The following PTPN20 variants were observed in gnomAD, a reference collection of about 807,000 sequenced individuals.
PTPN20 encodes tyrosine-protein phosphatase non-receptor type 20.
A neutral mutation model predicts 35.0 loss-of-function variants in PTPN20; 9 were observed. The observed-to-expected ratio is 0.26, with a 90% confidence interval of 0.15 to 0.45. The LOEUF is 0.45. PTPN20 is among the 20% of genes least tolerant of loss of function. The pLI, the probability that PTPN20 is intolerant of heterozygous loss-of-function variation, is 1.00. For missense variants in PTPN20, 111 were observed against 312.5 expected, an observed-to-expected ratio of 0.36 and a Z score of 4.86; for synonymous variants, 32 against 100.2, an observed-to-expected ratio of 0.32 and a Z score of 4.06.
In PTPN20 at chr10:46,995,788, A is replaced by ATCAGG. The variant is rs2058997771; in HGVS notation, c.1135-4122_1135-4118dup. Reference sequence around the variant, plus strand: ...ACCTTTTCTGGTATAGAAATCATGAATCAGGTGGAGATTTTTTGCACTCTT... The same window carrying ATCAGG: ...ACCTTTTCTGGTATAGAAATCATGAATCAGGTCAGGTGGAGATTTTTTGCACTCTT... On this transcript the variant is annotated intron_variant, in intron 9 of 10. Transcript: ENST00000374339. Among the ~76,000 whole-genome samples the ATCAGG allele has an allele frequency of 3.3e-5, 5 of 152,308 alleles. No individual in the cohort carries two copies. In the South Asian group the frequency reaches 1.0e-3, roughly 32 times the overall value.
At chr10:46,957,116 G>A (rs1184315085) in intron 5 of PTPN20, among the ~76,000 whole-genome samples, 1 of 136,304 alleles carries the variant, frequency 7.3e-6, no homozygotes, top group Non-Finnish European at 1.5e-5. Flanking sequence ...AACTCTGTGT[G>A]TGTGTGAATA....
At chr10:46,953,578 AGCC>A (rs1258585352) in intron 5 of PTPN20, among the ~76,000 whole-genome samples, 2 of 138,144 alleles carry the variant, frequency 1.4e-5, no homozygotes, top group Non-Finnish European at 3.0e-5. Flanking sequence ...AGATTAAGGG[AGCC>A]TTCCTATTAT....
chr10:47,000,680 A>G lies in PTPN20; in HGVS notation c.1202A>G (p.Gln401Arg). The G allele has an allele frequency of 6.2e-7, 1 of 1,613,534 alleles. No individual in the cohort carries two copies. Among genetic ancestry groups the G allele is most frequent in the Non-Finnish European group, 8.5e-7 (1 of 1,179,530 alleles). The change falls in exon 11 of 11, where the codon CAG (glutamine) becomes CGG (arginine). Residue 401 changes from glutamine to arginine, a missense_variant. Gln to Arg is a conservative substitution (Grantham distance 43). Transcript: ENST00000374339. Reference sequence around the variant, plus strand: ...TTTTTATATATATGTATATAGGAGCAGTATCACTTTTGTTACGATATTGTG... The same window carrying G: ...TTTTTATATATATGTATATAGGAGCGGTATCACTTTTGTTACGATATTGTG... ...QRSGMVQTKEQYHFCYDIVLE... is the reference protein window; with the variant it reads ...QRSGMVQTKERYHFCYDIVLE...
chr10:46,939,078 C>T (rs1389960965), intron 2 of PTPN20, among the ~76,000 whole-genome samples: 3,443 of 150,250 alleles, frequency 0.023, 23 homozygotes, highest in Middle Eastern at 0.071. Context: ...GAAGCTCCTT[C>T]CTAGGTTTGC....
chr10:46,947,658 C>T (rs1307446018), intron 5 of PTPN20, among the ~76,000 whole-genome samples: 15 of 151,614 alleles, frequency 9.9e-5, no homozygotes, highest in Admixed American at 4.6e-4. Flanking sequence ...ACCCTACCAC[C>T]GGTGCCTAGC....
At chr10:46,999,529 C>T (rs1320716996) in intron 9 of PTPN20, among the ~76,000 whole-genome samples, 3 of 152,120 alleles carry the variant, frequency 2.0e-5, no homozygotes, top group South Asian at 2.1e-4. Flanking sequence ...TCCCAGTTTC[C>T]GTGTGAGTTG....
chr10:46,941,141 A>G (rs1214551316), intron 3 of PTPN20, among the ~76,000 whole-genome samples: 1 of 151,318 alleles, frequency 6.6e-6, no homozygotes, highest in Non-Finnish European at 1.5e-5. Context: ...TTGTGGAGAT[A>G]GTGCTAGGGT....
At chr10:46,932,044 G>C (rs2039803175) in intron 1 of PTPN20, among the ~76,000 whole-genome samples, 1 of 145,504 alleles carries the variant, frequency 6.9e-6, no homozygotes, top group Admixed American at 6.6e-5. Flanking sequence ...AGTTTCCATT[G>C]AGTGACATTG....
At chr10:46,917,137 C>A (rs2033208380) in intron 1 of PTPN20, among the ~76,000 whole-genome samples, 1 of 144,186 alleles carries the variant, frequency 6.9e-6, no homozygotes, top group East Asian at 2.0e-4. Flanking sequence ...TAGGGAGGTC[C>A]TAGTCAGTGA....
chr10:46,928,719 G>A (rs2038565155), intron 1 of PTPN20, among the ~76,000 whole-genome samples: 2 of 142,804 alleles, frequency 1.4e-5, no homozygotes, highest in African/African-American at 5.4e-5. Context: ...ATTATTAAAA[G>A]GCATAAAACA....
chr10:46,939,741 C>CA (rs2042844975), intron 2 of PTPN20, among the ~76,000 whole-genome samples: 1 of 151,094 alleles, frequency 6.6e-6, no homozygotes, highest in Non-Finnish European at 1.5e-5. Flanking sequence ...TCTAAATACT[C>CA]ATTTAGCTAC....
intron 1 of PTPN20, among the ~76,000 whole-genome samples, chr10:46,932,076 G>A (rs1345126729): frequency 2.0e-5 from 3 of 148,436 alleles, no homozygotes; most frequent in Non-Finnish European, 4.4e-5. Context: ...GTGTGTGTGT[G>A]TGTGTGTGTG....
chr10:46,923,299 T>G (rs1220796005), intron 1 of PTPN20, among the ~76,000 whole-genome samples: 2 of 145,364 alleles, frequency 1.4e-5, no homozygotes, highest in Middle Eastern at 3.5e-3. Flanking sequence ...TCCCTTCTTT[T>G]AAGCCACCCA....
chr10:46,999,975 G>A lies in PTPN20; in HGVS notation c.1197+1G>A, dbSNP rs782099691. 1.2e-6 allele frequency: 2 copies of A among 1,613,716 alleles called. No individual in the cohort carries two copies. Among genetic ancestry groups the A allele is most frequent in the African/African-American group, 1.3e-5 (1 of 75,032 alleles). On this transcript the variant is annotated splice_donor_variant, in intron 10 of 10. Coordinates refer to ENST00000374339, the MANE Select transcript of PTPN20 (RefSeq NM_001042357.5). LOFTEE classifies it high-confidence loss of function. ...ACGTTCTGGCATGGTTCAAACGAAGGTAAGCTTTCACCACATACATAATAA... is the reference window on the plus strand; with the variant it reads ...ACGTTCTGGCATGGTTCAAACGAAGATAAGCTTTCACCACATACATAATAA...
At chr10:46,963,635 A>G (rs1338512537) in intron 5 of PTPN20, among the ~76,000 whole-genome samples, 1 of 95,118 alleles carries the variant, frequency 1.1e-5, no homozygotes, top group Non-Finnish European at 1.9e-5. Flanking sequence ...TTTTTACAAG[A>G]CCAGCCTATT....
intron 5 of PTPN20, among the ~76,000 whole-genome samples, chr10:46,950,841 T>G (rs1254600140): frequency 1.3e-5 from 2 of 152,028 alleles, no homozygotes; most frequent in African/African-American, 4.8e-5. Context: ...AATTGATGTG[T>G]GCTCTGCAAC....
At position 46,994,298 on chromosome 10, in the gene PTPN20, A is replaced by G. The variant is rs1307308855; in HGVS notation, c.1135-5614A>G. Among the ~76,000 whole-genome samples the G allele has an allele frequency of 2.8e-5, 4 of 140,772 alleles. No individual in the cohort carries two copies. In the East Asian group the frequency reaches 8.4e-4, roughly 29 times the overall value. 92.4% of individuals were successfully genotyped at this position (140,772 alleles called of 152,430 possible). ...TTTGGTGTAGCCTTATTTGGGTTGA[A>G]TATGTTTGGTGTTCTCTGATGCTCT... On this transcript the variant is annotated intron_variant, in intron 9 of 10. Transcript: ENST00000374339.
At position 47,000,838 on chromosome 10, in the gene PTPN20, A is replaced by C. The variant is rs1488522592; in HGVS notation, c.*97A>C. 1.4e-6 allele frequency: 2 copies of C among 1,407,142 alleles called. No homozygotes were observed. Among genetic ancestry groups the C allele is most frequent in the African/African-American group, 1.4e-5 (1 of 70,748 alleles). The allele number at this position is 1,407,142 out of a possible 1,614,324, so 87.2% of individuals were successfully genotyped here. ...ACTGTGCTGAAGGGCTTTGCTATGC[A>C]TACAATCTGCTTTCTTGGTTTATCA... On this transcript the variant is annotated 3_prime_UTR_variant, in exon 11 of 11. Coordinates refer to ENST00000374339, the MANE Select transcript of PTPN20 (RefSeq NM_001042357.5).
intron 2 of PTPN20, among the ~76,000 whole-genome samples, chr10:46,937,092 T>C (rs2041893611): frequency 6.6e-6 from 1 of 150,394 alleles, no homozygotes; most frequent in African/African-American, 2.5e-5. Context: ...AGGCTGGATA[T>C]AATCTTAGTT....
Sources: gnomAD v4.1 joint callset for allele counts (sites outside exome capture counted in the v4.1 genomes callset) on GRCh38, gnomAD v4.1.1 for gene constraint, MANE v1.5 for transcripts, NCBI Gene and HGNC (gene_info 2026-07-23, HGNC 2026-07-21) for gene names.